Variants in PRIMA1 observed in about 807,000 individuals in gnomAD.
The protein encoded by PRIMA1 is proline rich membrane anchor 1, also known as proline-rich membrane anchor 1.
PRIMA1 carries 7 observed loss-of-function variants against 17.5 expected under a neutral mutation model. The observed-to-expected ratio is 0.40, with a 90% confidence interval of 0.23 to 0.75. PRIMA1 has a LOEUF of 0.75. Among genes scored for constraint, PRIMA1 ranks in the 30% least tolerant of loss-of-function variants. The pLI, the probability that PRIMA1 is intolerant of heterozygous loss-of-function variation, is 0.37. For synonymous variants in PRIMA1, 97 were observed against 77.9 expected (o/e 1.25, Z -1.29); for missense variants, 200 against 201.8 (o/e 0.99, Z 0.05).
At chr14:93,746,670 G>A (rs1313910625) in intron 3 of PRIMA1, among the ~76,000 whole-genome samples, 2 of 152,160 alleles carry the variant, frequency 1.3e-5, no homozygotes, top group East Asian at 1.9e-4. Context: ...TGGGTGTGTG[G>A]CGTGGGGGAA....
chr14:93,785,638 T>G (rs1326864925), intron 2 of PRIMA1, among the ~76,000 whole-genome samples: 1 of 152,194 alleles, frequency 6.6e-6, no homozygotes, highest in Non-Finnish European at 1.5e-5. Context: ...CCATTTTTCC[T>G]CTTCTCTCCT....
At chr14:93,749,639 T>C (rs2076248023) in intron 3 of PRIMA1, among the ~76,000 whole-genome samples, 1 of 152,196 alleles carries the variant, frequency 6.6e-6, no homozygotes, top group African/African-American at 2.4e-5. Flanking sequence ...TGAGAGCTCG[T>C]GACCTTGGGA....
intron 3 of PRIMA1, among the ~76,000 whole-genome samples, chr14:93,777,345 CTTTT>C (rs200228526): frequency 4.3e-5 from 4 of 93,726 alleles, no homozygotes; most frequent in Admixed American, 1.1e-4. Flanking sequence ...CCCATTCATT[CTTTT>C]TTTTTGAGAC....
chr14:93,785,188 CAAAAAA>C (rs386382197), intron 2 of PRIMA1, among the ~76,000 whole-genome samples: 3 of 110,060 alleles, frequency 2.7e-5, no homozygotes, highest in Non-Finnish European at 3.6e-5. Context: ...TCTTCTCTTT[CAAAAAA>C]AAAAAAAAAA....
chr14:93,731,403 G>A (rs1221884514), intron 4 of PRIMA1, among the ~76,000 whole-genome samples: 1 of 152,180 alleles, frequency 6.6e-6, no homozygotes, highest in African/African-American at 2.4e-5. Context: ...ATGTGACTTG[G>A]GGGAAAAGAC....
chr14:93,775,198 G>C (rs143134790), intron 3 of PRIMA1, among the ~76,000 whole-genome samples: 1 of 152,380 alleles, frequency 6.6e-6, no homozygotes, highest in East Asian at 1.9e-4. Context: ...AATGGGACAA[G>C]GACTGGCACA....
intron 3 of PRIMA1, among the ~76,000 whole-genome samples, chr14:93,747,981 GTT>G (rs1351321602): frequency 6.7e-6 from 1 of 150,232 alleles, no homozygotes; most frequent in African/African-American, 2.5e-5. Context: ...GTGAGTATGA[GTT>G]GGGACTGAGT....
intron 3 of PRIMA1, among the ~76,000 whole-genome samples, chr14:93,777,668 A>G (rs747141616): frequency 1.8e-4 from 27 of 152,076 alleles, no homozygotes; most frequent in African/African-American, 6.5e-4. Flanking sequence ...CCCTGTTACT[A>G]TTTACTGGGG....
intron 3 of PRIMA1, among the ~76,000 whole-genome samples, chr14:93,747,645 A>G (rs533232787): frequency 1.4e-5 from 2 of 143,146 alleles, no homozygotes; most frequent in Non-Finnish European, 3.0e-5. Flanking sequence ...GCATGGGAGT[A>G]TTGTGTATGA....
In PRIMA1 at chr14:93,787,612, C is replaced by T. The variant is rs1234811219; in HGVS notation, c.93+14G>A. On this transcript the variant is annotated intron_variant, in intron 2 of 4. Transcript: ENST00000393140. Reference sequence around the variant, plus strand: ...GGAGGCCCTCCCAGCCAGTGCGCAGCCGGCGCGTCTCACCTGCACGAAGCC... The same window carrying T: ...GGAGGCCCTCCCAGCCAGTGCGCAGTCGGCGCGTCTCACCTGCACGAAGCC... 1 of 1,539,972 alleles carries T rather than the reference C, an allele frequency of 6.5e-7. No individual in the cohort carries two copies. The highest frequency in any genetic ancestry group is 8.7e-7 in the Non-Finnish European group (1 of 1,146,768).
At chr14:93,784,177 G>A (rs1379752449) in intron 2 of PRIMA1, among the ~76,000 whole-genome samples, 1 of 152,216 alleles carries the variant, frequency 6.6e-6, no homozygotes, top group African/African-American at 2.4e-5. Context: ...ATATGGGAAA[G>A]ATGCTAGAAA....
intron 3 of PRIMA1, among the ~76,000 whole-genome samples, chr14:93,774,740 G>A (rs977136194): frequency 1.3e-5 from 2 of 152,160 alleles, no homozygotes; most frequent in African/African-American, 2.4e-5. Flanking sequence ...TATCCCCCAA[G>A]TCTGGCTTGC....
At chr14:93,741,533 G>A (rs991988241) in intron 3 of PRIMA1, among the ~76,000 whole-genome samples, 1 of 152,226 alleles carries the variant, frequency 6.6e-6, no homozygotes, top group Non-Finnish European at 1.5e-5. Context: ...CTGGCAGTGT[G>A]CTGGGATCTG....
chr14:93,744,174 C>G (rs968217665), intron 3 of PRIMA1, among the ~76,000 whole-genome samples: 1 of 152,226 alleles, frequency 6.6e-6, no homozygotes, highest in Non-Finnish European at 1.5e-5. Flanking sequence ...ATGAACTGCC[C>G]CCCAAAGCAC....
At chr14:93,774,790 C>T (rs568980407) in intron 3 of PRIMA1, among the ~76,000 whole-genome samples, 17 of 152,334 alleles carry the variant, frequency 1.1e-4, no homozygotes, top group East Asian at 3.9e-4. Flanking sequence ...TTCCACAGGA[C>T]GATTACAGCA....
chr14:93,788,368 C>G (rs994536568), intron 1 of PRIMA1, 42 bp downstream of exon 1: 1 of 152,858 alleles, frequency 6.5e-6, no homozygotes, highest in Admixed American at 6.5e-5. Flanking sequence ...GGTTCCCCCA[C>G]GCCTCCATCT....
At chr14:93,730,290 A>G (rs1429200448) in intron 4 of PRIMA1, among the ~76,000 whole-genome samples, 3 of 152,278 alleles carry the variant, frequency 2.0e-5, no homozygotes, top group Non-Finnish European at 4.4e-5. Context: ...ACCTACCTAC[A>G]GCAGAAAGCA....
intron 3 of PRIMA1, among the ~76,000 whole-genome samples, chr14:93,748,422 G>A (rs867001359): frequency 9.2e-5 from 14 of 152,210 alleles, no homozygotes; most frequent in Admixed American, 2.6e-4. Flanking sequence ...GAGCAACGCA[G>A]TGTGTGGAAA....
intron 2 of PRIMA1, among the ~76,000 whole-genome samples, chr14:93,781,954 C>CA (rs1283742523): frequency 7.3e-5 from 11 of 151,348 alleles, no homozygotes; most frequent in African/African-American, 2.7e-4. Context: ...GCCTAGGCGA[C>CA]AGAGCAAAAC....
Sources: allele counts gnomAD v4.1 joint callset (sites outside exome capture counted in the v4.1 genomes callset), GRCh38; gene constraint gnomAD v4.1.1; transcripts MANE v1.5; gene names NCBI Gene and HGNC (gene_info 2026-07-23, HGNC 2026-07-21).